The following LRRC17 variants were observed in gnomAD, a reference collection of about 807,000 sequenced individuals.
The protein encoded by LRRC17 is leucine-rich repeat-containing protein 17.
Under a neutral mutation model 41.5 loss-of-function variants are expected in LRRC17, and 33 were observed. The observed-to-expected ratio is 0.80, with a 90% CI of 0.60 to 1.06. LRRC17 has a LOEUF of 1.06. Ranked by LOEUF, LRRC17 falls within the 50% of genes least tolerant of loss-of-function variation. The pLI, the probability that LRRC17 is intolerant of heterozygous loss-of-function variation, is 0.00. For missense variants in LRRC17, 491 were observed against 519.3 expected, an observed-to-expected ratio of 0.95 and a Z score of 0.53; for synonymous variants, 192 against 197.0, an observed-to-expected ratio of 0.97 and a Z score of 0.21.
chr7:102,923,378 G>A (rs1817467468), intron 1 of LRRC17, among the ~76,000 whole-genome samples: 1 of 152,116 alleles, frequency 6.6e-6, no homozygotes, highest in Non-Finnish European at 1.5e-5. Context: ...AGCTATCAAT[G>A]AGAGGTCACC....
Position 102,934,027 on chromosome 7 carries a change from C to A in LRRC17, c.114C>A (p.Gly38=). 2 of 1,614,060 alleles carry A rather than the reference C, an allele frequency of 1.2e-6. No individual in the cohort carries two copies. Among genetic ancestry groups the A allele is most frequent in the Non-Finnish European group, 1.7e-6 (2 of 1,179,942 alleles). The change falls in exon 2 of 4, where the codon GGC becomes GGA. Residue 38 remains glycine, a synonymous_variant. Coordinates refer to ENST00000339431, the MANE Select transcript of LRRC17 (RefSeq NM_001031692.3). ...TGAATCATGGCCGGGCGGGTGGAGGCCGGAGAGGCTCCAACCCGGTCAAAC... is the reference window on the plus strand; with the variant it reads ...TGAATCATGGCCGGGCGGGTGGAGGACGGAGAGGCTCCAACCCGGTCAAAC... The part of the protein sequence containing the change: ...SRVNHGRAGG[G]RRGSNPVKRY...
intron 1 of LRRC17, among the ~76,000 whole-genome samples, chr7:102,916,794 G>GA (rs1404448629): frequency 6.6e-6 from 1 of 151,006 alleles, no homozygotes; most frequent in East Asian, 2.0e-4. Flanking sequence ...TTTCTTATGG[G>GA]GGGGGGTGTG....
chr7:102,924,340 C>A (rs1437473286), intron 1 of LRRC17, among the ~76,000 whole-genome samples: 1 of 151,742 alleles, frequency 6.6e-6, no homozygotes, highest in African/African-American at 2.4e-5. Context: ...TGATTTAGAT[C>A]ATCACTTCAT....
chr7:102,927,433 A>G (rs1251935217), intron 1 of LRRC17, among the ~76,000 whole-genome samples: 1 of 152,218 alleles, frequency 6.6e-6, no homozygotes, highest in Non-Finnish European at 1.5e-5. Flanking sequence ...TAACACCACT[A>G]AAGATAGTAA....
chr7:102,933,576 A>T (rs1467014679), intron 1 of LRRC17, 198 bp from the exon 2 acceptor site: 1 of 173,344 alleles, frequency 5.8e-6, no homozygotes, highest in Non-Finnish European at 1.2e-5. Context: ...ACAGTTAAGC[A>T]GGTAAGAGAG....
intron 3 of LRRC17, among the ~76,000 whole-genome samples, chr7:102,943,348 A>G (rs1236039961): frequency 6.6e-6 from 1 of 151,732 alleles, no homozygotes; most frequent in Non-Finnish European, 1.5e-5. Context: ...AAAAAAAAAA[A>G]AGCCCAAAAT....
At chr7:102,937,321 G>T (rs1452021399) in intron 2 of LRRC17, among the ~76,000 whole-genome samples, 1 of 141,320 alleles carries the variant, frequency 7.1e-6, no homozygotes, top group African/African-American at 2.7e-5. Context: ...CCAAAAAGTT[G>T]AAACCCCATC....
At chr7:102,935,633 G>C (rs1023569283) in intron 2 of LRRC17, among the ~76,000 whole-genome samples, 1 of 152,042 alleles carries the variant, frequency 6.6e-6, no homozygotes, top group Non-Finnish European at 1.5e-5. Flanking sequence ...GAAAACAGAC[G>C]GGAGATTTTA....
chr7:102,933,296 AG>A (rs1304127368), intron 1 of LRRC17: 1 of 152,002 alleles, frequency 6.6e-6, no homozygotes, highest in Non-Finnish European at 1.5e-5. Flanking sequence ...AAAAAGGCTC[AG>A]GAAGACAACA....
intron 2 of LRRC17, among the ~76,000 whole-genome samples, chr7:102,937,238 G>A (rs889485944): frequency 1.3e-5 from 2 of 151,752 alleles, no homozygotes; most frequent in South Asian, 2.1e-4. Flanking sequence ...AGTGGCTCAC[G>A]CCTATAATCC....
At chr7:102,936,437 G>C (rs929351315) in intron 2 of LRRC17, 2 of 152,200 alleles carry the variant, frequency 1.3e-5, no homozygotes, top group African/African-American at 4.8e-5. Flanking sequence ...ACAATCAGCT[G>C]TCTCAGCAAT....
At chr7:102,942,453 G>T in intron 3 of LRRC17, 1 of 852,896 alleles carries the variant, frequency 1.2e-6, no homozygotes, top group South Asian at 2.6e-5. Context: ...CCTACTAGGG[G>T]GTTTTTACCT....
chr7:102,939,805 T>C (rs1176356818), intron 3 of LRRC17, among the ~76,000 whole-genome samples: 1 of 152,228 alleles, frequency 6.6e-6, no homozygotes, highest in Non-Finnish European at 1.5e-5. Context: ...CACATATTAC[T>C]ACCATTTAAT....
chr7:102,932,704 T>C (rs894295887), intron 1 of LRRC17, among the ~76,000 whole-genome samples: 4 of 152,070 alleles, frequency 2.6e-5, no homozygotes, highest in Non-Finnish European at 5.9e-5. Flanking sequence ...AGGCGATCCT[T>C]TCACTTCAGC....
chr7:102,916,462 T>A (rs1815886504), intron 1 of LRRC17, among the ~76,000 whole-genome samples: 1 of 152,166 alleles, frequency 6.6e-6, no homozygotes, highest in Non-Finnish European at 1.5e-5. Flanking sequence ...CTTTTCACAG[T>A]GGAACCTCAT....
chr7:102,920,848 T>C (rs117103238), intron 1 of LRRC17, among the ~76,000 whole-genome samples: 2,175 of 152,312 alleles, frequency 0.014, 19 homozygotes, highest in Non-Finnish European at 0.022. Context: ...AGGTTAACTA[T>C]GTTGATAACA....
chr7:102,940,475 G>A (rs1821211373), intron 3 of LRRC17, among the ~76,000 whole-genome samples: 1 of 152,266 alleles, frequency 6.6e-6, no homozygotes, highest in South Asian at 2.1e-4. Context: ...CTCCCAAAGT[G>A]CTGGGATTAC....
chr7:102,942,186 G>C, intron 3 of LRRC17: 1 of 769,030 alleles, frequency 1.3e-6, no homozygotes, highest in Non-Finnish European at 2.2e-6. Context: ...CAAATGCCAA[G>C]CACTTTCCTA....
chr7:102,935,325 C>T (rs960229556), intron 2 of LRRC17, among the ~76,000 whole-genome samples: 2 of 141,836 alleles, frequency 1.4e-5, no homozygotes, highest in Non-Finnish European at 3.0e-5. Context: ...AATCTTGGCT[C>T]ACTGCAACCT....
Sources: allele counts gnomAD v4.1 joint callset (sites outside exome capture counted in the v4.1 genomes callset), GRCh38; gene constraint gnomAD v4.1.1; transcripts MANE v1.5; gene names NCBI Gene and HGNC (gene_info 2026-07-23, HGNC 2026-07-21).